The following EXOC6B variants were observed in gnomAD, a reference collection of about 807,000 sequenced individuals.
EXOC6B encodes the protein SEC15 homolog B.
In EXOC6B, 54 loss-of-function variants were observed where a neutral mutation model predicts 113.5. That is an observed-to-expected ratio of 0.48 (90% CI 0.38 to 0.60). The LOEUF is 0.60. EXOC6B is among the 20% of genes least tolerant of loss of function. The probability of loss-of-function intolerance (pLI) is 0.00; values close to 1 mark genes in which losing one functional copy is unlikely to be tolerated. For synonymous variants in EXOC6B, 357 were observed against 339.0 expected, an observed-to-expected ratio of 1.05 and a Z score of -0.58; for missense variants, 797 against 977.5, an observed-to-expected ratio of 0.82 and a Z score of 2.46.
intron 1 of EXOC6B, among the ~76,000 whole-genome samples, chr2:72,760,355 C>T (rs78475860): frequency 0.013 from 1,973 of 152,316 alleles, 84 homozygotes; most frequent in Admixed American, 0.068. Context: ...TGGTCACAGA[C>T]TTAGAGGAAG....
At chr2:72,186,347 G>A (rs1318471911) in intron 20 of EXOC6B, among the ~76,000 whole-genome samples, 1 of 152,134 alleles carries the variant, frequency 6.6e-6, no homozygotes, top group Non-Finnish European at 1.5e-5. Flanking sequence ...CTGTCCTGTA[G>A]TCTTCAAAGA....
chr2:72,733,215 G>T, intron 2 of EXOC6B, 97 bp from the exon 3 acceptor site: 1 of 908,760 alleles, frequency 1.1e-6, no homozygotes, highest in Non-Finnish European at 1.7e-6. Flanking sequence ...GGAATAGGCA[G>T]TTAAATATTT....
intron 18 of EXOC6B, among the ~76,000 whole-genome samples, chr2:72,396,096 T>C (rs577224054): frequency 6.6e-6 from 1 of 152,236 alleles, no homozygotes; most frequent in South Asian, 2.1e-4. Context: ...AGAAATCCAC[T>C]GAGTTAATCA....
At chr2:72,221,854 T>C (rs1680884668) in intron 20 of EXOC6B, among the ~76,000 whole-genome samples, 1 of 152,234 alleles carries the variant, frequency 6.6e-6, no homozygotes, top group Non-Finnish European at 1.5e-5. Context: ...TTCTATTTGA[T>C]TGACGTTATA....
intron 18 of EXOC6B, among the ~76,000 whole-genome samples, chr2:72,399,313 A>G (rs1692984036): frequency 6.6e-6 from 1 of 152,230 alleles, no homozygotes; most frequent in Non-Finnish European, 1.5e-5. Flanking sequence ...CTGAACAGGG[A>G]AATGTTGAAA....
intron 19 of EXOC6B, among the ~76,000 whole-genome samples, chr2:72,371,082 C>G (rs1690985366): frequency 1.3e-5 from 2 of 151,844 alleles, no homozygotes; most frequent in African/African-American, 4.8e-5. Context: ...AAAGAGGACT[C>G]TGTCATGTGT....
chr2:72,614,399 A>G (rs1483843782), intron 6 of EXOC6B, among the ~76,000 whole-genome samples: 4 of 152,120 alleles, frequency 2.6e-5, no homozygotes, highest in Non-Finnish European at 5.9e-5. Flanking sequence ...ATTTATGGAC[A>G]CTGAACAGCC....
chr2:72,472,544 TATA>T (rs1325842796), intron 17 of EXOC6B, among the ~76,000 whole-genome samples: 1 of 152,150 alleles, frequency 6.6e-6, no homozygotes, highest in Non-Finnish European at 1.5e-5. Flanking sequence ...TGGTATCAGT[TATA>T]ATGTCTCTGT....
intron 20 of EXOC6B, among the ~76,000 whole-genome samples, chr2:72,221,974 T>C (rs980515084): frequency 3.3e-5 from 5 of 151,852 alleles, no homozygotes; most frequent in Admixed American, 1.3e-4. Flanking sequence ...GATGAGGAGG[T>C]GAAACTGGGT....
At chr2:72,292,601 A>C (rs1361642503) in intron 20 of EXOC6B, among the ~76,000 whole-genome samples, 1 of 151,964 alleles carries the variant, frequency 6.6e-6, no homozygotes, top group Non-Finnish European at 1.5e-5. Context: ...GTGTTGATTC[A>C]TGTAACCATC....
intron 20 of EXOC6B, among the ~76,000 whole-genome samples, chr2:72,242,500 A>G (rs1682378165): frequency 6.6e-6 from 1 of 152,216 alleles, no homozygotes; most frequent in Non-Finnish European, 1.5e-5. Flanking sequence ...GCTAAGAGAA[A>G]AGAAAAAAGA....
chr2:72,708,129 G>A (rs868669154), intron 6 of EXOC6B, among the ~76,000 whole-genome samples: 1 of 152,096 alleles, frequency 6.6e-6, no homozygotes, highest in Middle Eastern at 3.4e-3. Flanking sequence ...AGTCTCTATT[G>A]TATAAAGAGT....
chr2:72,477,901 C>G (rs746347162), intron 17 of EXOC6B, among the ~76,000 whole-genome samples: 1 of 152,048 alleles, frequency 6.6e-6, no homozygotes, highest in Non-Finnish European at 1.5e-5. Context: ...CTTATCACTA[C>G]TTGCCATTAC....
At chr2:72,266,952 TC>T (rs1260211637) in intron 20 of EXOC6B, among the ~76,000 whole-genome samples, 1 of 152,242 alleles carries the variant, frequency 6.6e-6, no homozygotes, top group Non-Finnish European at 1.5e-5. Context: ...TTTGTAGTTC[TC>T]CTTGAAGAGG....
intron 17 of EXOC6B, among the ~76,000 whole-genome samples, chr2:72,474,462 T>TA (rs1268423885): frequency 6.6e-6 from 1 of 152,038 alleles, no homozygotes; most frequent in Non-Finnish European, 1.5e-5. Context: ...ATTCTTTTTT[T>TA]AGTTGTTTTT....
chr2:72,708,781 C>A (rs1392938766), intron 6 of EXOC6B, among the ~76,000 whole-genome samples: 1 of 151,946 alleles, frequency 6.6e-6, no homozygotes. Flanking sequence ...CCAGGCTGGA[C>A]TACACTGCTG....
intron 18 of EXOC6B, among the ~76,000 whole-genome samples, chr2:72,447,214 T>C (rs563022143): frequency 3.9e-5 from 6 of 152,322 alleles, no homozygotes; most frequent in South Asian, 4.1e-4. Context: ...GTTCCTCTTA[T>C]AAAGTTCTTC....
chr2:72,557,207 GTTA>G (rs1176443446), intron 8 of EXOC6B, among the ~76,000 whole-genome samples: 1 of 141,698 alleles, frequency 7.1e-6, no homozygotes, highest in Non-Finnish European at 1.5e-5. Context: ...ATATATTAGT[GTTA>G]TTATTCTTGG....
intron 20 of EXOC6B, among the ~76,000 whole-genome samples, chr2:72,279,581 T>A (rs1242560812): frequency 6.6e-6 from 1 of 152,184 alleles, no homozygotes; most frequent in Non-Finnish European, 1.5e-5. Context: ...ATCAACATTA[T>A]TGAAATAGCA....
Sources: allele counts gnomAD v4.1 joint callset (sites outside exome capture counted in the v4.1 genomes callset), GRCh38; gene constraint gnomAD v4.1.1; transcripts MANE v1.5; gene names NCBI Gene and HGNC (gene_info 2026-07-23, HGNC 2026-07-21).